The following FDFT1 variants were observed in gnomAD, a reference collection of about 807,000 sequenced individuals.
FDFT1 encodes the protein farnesyl-diphosphate farnesyltransferase 1.
Under a neutral mutation model 46.8 loss-of-function variants are expected in FDFT1, and 68 were observed. The ratio of observed to expected loss-of-function variants is 1.45; its 90% CI spans 1.19 to 1.78. FDFT1 has a LOEUF of 1.78. Ranked by LOEUF, FDFT1 falls within the 40% of genes most tolerant of loss-of-function variation. FDFT1 has a pLI of 0.00. For missense variants in FDFT1, 928 were observed against 524.4 expected, an observed-to-expected ratio of 1.77 and a Z score of -7.52; for synonymous variants, 351 against 185.1, an observed-to-expected ratio of 1.90 and a Z score of -7.28.
chr8:11,809,536 T>G, intron 2 of FDFT1, 131 bp from the exon 3 acceptor site: 3 of 1,287,878 alleles, frequency 2.3e-6, no homozygotes, highest in East Asian at 2.7e-5. Flanking sequence ...ATGAAAAGCG[T>G]TGGATATCCT....
At chr8:11,828,171 C>G (rs550840217) in intron 5 of FDFT1, among the ~76,000 whole-genome samples, 1 of 152,050 alleles carries the variant, frequency 6.6e-6, no homozygotes, top group East Asian at 1.9e-4. Flanking sequence ...CCCTATAGTT[C>G]TCGCTCCTTG....
At chr8:11,819,458 C>T (rs2130797798) in intron 3 of FDFT1, among the ~76,000 whole-genome samples, 1 of 151,850 alleles carries the variant, frequency 6.6e-6, no homozygotes, top group African/African-American at 2.4e-5. Context: ...AACTTGGTTC[C>T]ATTCTGTCTA....
intron 7 of FDFT1, among the ~76,000 whole-genome samples, chr8:11,836,856 G>T (rs1426404592): frequency 6.6e-6 from 1 of 152,222 alleles, no homozygotes; most frequent in South Asian, 2.1e-4. Flanking sequence ...ACCAACACTG[G>T]TAAAACCTTG....
intron 4 of FDFT1, among the ~76,000 whole-genome samples, chr8:11,825,704 T>TAAA (rs1809874337): frequency 6.7e-6 from 1 of 148,302 alleles, no homozygotes; most frequent in African/African-American, 2.5e-5. Flanking sequence ...AAATAAAAAA[T>TAAA]AAAAATAAAA....
At chr8:11,825,081 T>C (rs936296637) in intron 4 of FDFT1, among the ~76,000 whole-genome samples, 11 of 152,292 alleles carry the variant, frequency 7.2e-5, no homozygotes, top group South Asian at 6.2e-4. Flanking sequence ...AAAATAGTTA[T>C]TTGTTCTTTC....
chr8:11,800,599 G>C (rs956080550), upstream of FDFT1, among the ~76,000 whole-genome samples: 7 of 152,204 alleles, frequency 4.6e-5, no homozygotes, highest in South Asian at 2.1e-4. Flanking sequence ...ATAAGGAAGA[G>C]GAACAGGCTA....
chr8:11,812,523 A>G (rs537258724), intron 3 of FDFT1, among the ~76,000 whole-genome samples: 2 of 152,230 alleles, frequency 1.3e-5, no homozygotes, highest in East Asian at 3.8e-4. Flanking sequence ...GCCCTGCTGC[A>G]TTCTGGAATA....
At position 11,830,094 on chromosome 8, in the gene FDFT1, C is replaced by T. The variant is rs182478109; in HGVS notation, c.703-150C>T. On this transcript the variant is annotated intron_variant, in intron 5 of 7. Transcript: ENST00000220584. ...AACTCCTGACCTCGTGATCCACCCT[C>T]CTCGGCCTCCCAAAGTGCTGGGATT... is the stretch of plus-strand genomic sequence containing the variant. 6.0e-6 allele frequency: 4 copies of T among 664,700 alleles called. No individual in the cohort carries two copies. The Admixed American group carries it at 1.0e-4, about 17-fold the overall frequency. The allele number at this position is 664,700 out of a possible 1,614,324, so 41.2% of individuals were successfully genotyped here.
At chr8:11,834,407 A>C (rs1240432435) in intron 7 of FDFT1, among the ~76,000 whole-genome samples, 2 of 152,288 alleles carry the variant, frequency 1.3e-5, no homozygotes, top group Non-Finnish European at 1.5e-5. Context: ...TCTCTGCCAA[A>C]GTGAATTCCT....
intron 5 of FDFT1, among the ~76,000 whole-genome samples, chr8:11,826,632 C>A (rs1692800): frequency 0.98 from 148,889 of 152,306 alleles, 72,863 homozygotes; most frequent in East Asian, 1. Context: ...TGGCCAACAT[C>A]GTGAAACCCC....
chr8:11,825,023 T>C (rs1364726362), intron 4 of FDFT1, among the ~76,000 whole-genome samples: 4 of 152,154 alleles, frequency 2.6e-5, no homozygotes, highest in Non-Finnish European at 4.4e-5. Flanking sequence ...GCATGAGCCA[T>C]CGTGCCCGGC....
chr8:11,797,269 A>G (rs763235726), upstream of FDFT1, among the ~76,000 whole-genome samples: 1 of 152,148 alleles, frequency 6.6e-6, no homozygotes, highest in Non-Finnish European at 1.5e-5. Context: ...TGCCTGCAGC[A>G]GCGGTTGTTT....
chr8:11,838,504 C>T lies in FDFT1; in HGVS notation c.1149C>T (p.Ser383=), dbSNP rs75684569. 3.8e-5 allele frequency: 61 copies of T among 1,607,114 alleles called. No individual in the cohort carries two copies. The East Asian group carries it at 4.0e-4, about 11-fold the overall frequency. ...AGCTGATTTCCCGAAGCCACTACTC[C>T]CCCATCTACCTGTCGTTTGTCATGC... ...NCQLISRSHY[S]PIYLSFVMLL... is the part of the protein sequence containing the mutation. The change falls in exon 8 of 8, where the codon TCC becomes TCT. Residue 383 remains serine (S), a synonymous_variant. Coordinates refer to ENST00000220584, the MANE Select transcript of FDFT1 (RefSeq NM_004462.5).
At position 11,832,551 on chromosome 8, in the gene FDFT1, CAAAA is replaced by C. The variant is rs531759815; in HGVS notation, c.1032+903_1032+906del. Among the ~76,000 whole-genome samples, 171 of 36,372 alleles carry C rather than the reference CAAAA, an allele frequency of 4.7e-3. 1 individual carries two copies. Among genetic ancestry groups the C allele is most frequent in the South Asian group, 0.017 (10 of 596 alleles). 23.9% of individuals were successfully genotyped at this position (36,372 alleles called of 152,430 possible). On this transcript the variant is annotated intron_variant, in intron 7 of 7. Coordinates refer to ENST00000220584, the MANE Select transcript of FDFT1 (RefSeq NM_004462.5). ...TGGGTGATAGAGTGAGACTTTGTCT[CAAAA>C]AAAAAAAAAAAAAAAAAAAAAGTCT...
At chr8:11,805,599 G>T (rs1426894650) in intron 1 of FDFT1, among the ~76,000 whole-genome samples, 1 of 152,220 alleles carries the variant, frequency 6.6e-6, no homozygotes, top group Non-Finnish European at 1.5e-5. Context: ...AGGGATGTAT[G>T]TATGGTAACG....
rs376692522 is a variant in FDFT1 at position 11,826,195 on chromosome 8, A to G, written c.682A>G (p.Arg228Gly). Reference protein sequence around the residue: ...RDYLEDQQGGREFWPQEVWSR... With the variant: ...RDYLEDQQGGGEFWPQEVWSR... ...CTATCTGGAAGACCAGCAAGGAGGAAGAGAGTTCTGGCCTCAAGAGGTAAC... is the reference window on the plus strand; with the variant it reads ...CTATCTGGAAGACCAGCAAGGAGGAGGAGAGTTCTGGCCTCAAGAGGTAAC... The change falls in exon 5 of 8, where the codon AGA becomes GGA. Residue 228 changes from arginine (R) to glycine (G), a missense_variant. Physicochemically the swap from Arg to Gly is moderately radical, Grantham distance 125. Transcript: ENST00000220584. 5.7e-6 allele frequency: 9 copies of G among 1,569,846 alleles called. No homozygotes were observed. The highest frequency in any genetic ancestry group is 7.8e-6 in the Non-Finnish European group (9 of 1,147,878).
intron 6 of FDFT1, among the ~76,000 whole-genome samples, chr8:11,830,896 C>G (rs1174827818): frequency 6.6e-6 from 1 of 152,212 alleles, no homozygotes; most frequent in Non-Finnish European, 1.5e-5. Context: ...CCAAGTATTG[C>G]AGATACTACT....
At chr8:11,804,600 C>CTTTTTTT (rs5889385) in intron 1 of FDFT1, among the ~76,000 whole-genome samples, 12 of 97,344 alleles carry the variant, frequency 1.2e-4, no homozygotes, top group African/African-American at 2.0e-4. Flanking sequence ...CTTAGTTTCT[C>CTTTTTTT]TTTTTTTTTT....
intron 3 of FDFT1, among the ~76,000 whole-genome samples, chr8:11,817,934 TTC>T: frequency 6.6e-6 from 1 of 152,330 alleles, no homozygotes; most frequent in Non-Finnish European, 1.5e-5. Context: ...GCTTTTCTAG[TTC>T]TTTTAATTGT....
Sources: gnomAD v4.1 joint callset for allele counts (sites outside exome capture counted in the v4.1 genomes callset) on GRCh38, gnomAD v4.1.1 for gene constraint, MANE v1.5 for transcripts, NCBI Gene and HGNC (gene_info 2026-07-23, HGNC 2026-07-21) for gene names.